Variants in KLF12 observed in about 807,000 individuals in gnomAD.
KLF12 encodes Krueppel-like factor 12.
Under a neutral mutation model 37.8 loss-of-function variants are expected in KLF12, and 9 were observed. The ratio of observed to expected loss-of-function variants is 0.24; its 90% CI spans 0.14 to 0.42. The LOEUF is 0.42. KLF12 is among the 10% of genes least tolerant of loss of function. The pLI is 1.00. For synonymous variants in KLF12, 208 were observed against 202.1 expected (o/e 1.03, Z -0.25); for missense variants, 411 against 516.0 (o/e 0.80, Z 1.97).
rs574680915 is a variant in KLF12, at chr13:73,721,711, C to T, written c.870-6186G>A. ...GGACTACAGGTGCATGCCACCATGC[C>T]TAGTTAATTTTTTTTTTTTTTGGTA... On this transcript the variant is annotated intron_variant, in intron 6 of 7. Coordinates refer to ENST00000377669, the MANE Select transcript of KLF12 (RefSeq NM_007249.5). Among the ~76,000 whole-genome samples the T allele has an allele frequency of 4.0e-5, 5 of 124,812 alleles. No individual in the cohort carries two copies. The East Asian group carries it at 1.3e-3, about 33-fold the overall frequency. 81.9% of individuals were successfully genotyped at this position (124,812 alleles called of 152,430 possible). A position where few individuals can be genotyped will look rare whatever the true frequency, so the allele number is the denominator to read the frequency against.
the KLF12 span, among the ~76,000 whole-genome samples, chr13:74,271,868 G>A: frequency 6.6e-6 from 1 of 152,124 alleles, no homozygotes; most frequent in Non-Finnish European, 1.5e-5. Flanking sequence ...TGGGTATGGT[G>A]ACCAGACTCT....
At chr13:74,203,539 A>C in the KLF12 span, among the ~76,000 whole-genome samples, 1 of 152,126 alleles carries the variant, frequency 6.6e-6, no homozygotes, top group African/African-American at 2.4e-5. Context: ...ATAAGGCAAA[A>C]AAAGGTAATG....
intron 3 of KLF12, among the ~76,000 whole-genome samples, chr13:73,874,802 G>A (rs1886627276): frequency 6.6e-6 from 1 of 152,100 alleles, no homozygotes; most frequent in African/African-American, 2.4e-5. Context: ...CACTTTCCTT[G>A]ATACTGAAAT....
chr13:74,149,724 G>C, the KLF12 span, among the ~76,000 whole-genome samples: 35 of 152,194 alleles, frequency 2.3e-4, no homozygotes, highest in African/African-American at 8.4e-4. Context: ...ACTTGTAATG[G>C]GCAAAGTCCT....
At chr13:73,732,007 C>A (rs137999026) in intron 6 of KLF12, among the ~76,000 whole-genome samples, 1 of 151,768 alleles carries the variant, frequency 6.6e-6, no homozygotes, top group Admixed American at 6.6e-5. Flanking sequence ...AAATACTTTG[C>A]GTAAGGAGGT....
chr13:74,218,960 G>T, the KLF12 span, among the ~76,000 whole-genome samples: 183 of 88,712 alleles, frequency 2.1e-3, 1 homozygote, highest in African/African-American at 8.7e-3. Flanking sequence ...ATAAAAATAA[G>T]AGTTTTTTTT....
At chr13:73,909,796 C>T (rs1888484984) in intron 3 of KLF12, among the ~76,000 whole-genome samples, 1 of 152,168 alleles carries the variant, frequency 6.6e-6, no homozygotes, top group Non-Finnish European at 1.5e-5. Context: ...TTCATTCAGT[C>T]CACACTTTTC....
intron 6 of KLF12, among the ~76,000 whole-genome samples, chr13:73,745,873 G>T (rs1459808925): frequency 6.6e-6 from 1 of 152,180 alleles, no homozygotes; most frequent in East Asian, 1.9e-4. Context: ...TGTGGAAAAA[G>T]TTAAATGACG....
chr13:74,182,994 T>C, the KLF12 span, among the ~76,000 whole-genome samples: 2 of 152,198 alleles, frequency 1.3e-5, no homozygotes, highest in African/African-American at 4.8e-5. Context: ...TAGTATTTCT[T>C]GGAAATCACT....
At chr13:73,923,497 C>T (rs1197175291) in intron 3 of KLF12, among the ~76,000 whole-genome samples, 1 of 152,202 alleles carries the variant, frequency 6.6e-6, no homozygotes, top group Admixed American at 6.5e-5. Context: ...CTCCAGGCTG[C>T]AGCACCCCCT....
the KLF12 span, among the ~76,000 whole-genome samples, chr13:74,179,774 G>A: frequency 6.6e-6 from 1 of 152,170 alleles, no homozygotes; most frequent in Non-Finnish European, 1.5e-5. Flanking sequence ...ATGAATGGAT[G>A]GAGATTTTAA....
the KLF12 span, among the ~76,000 whole-genome samples, chr13:74,270,203 A>G: frequency 2.0e-5 from 3 of 152,208 alleles, no homozygotes; most frequent in Middle Eastern, 0.01. Flanking sequence ...ATCACACCTG[A>G]TAGTGTATGC....
intron 6 of KLF12, among the ~76,000 whole-genome samples, chr13:73,738,429 G>A (rs1877692905): frequency 6.6e-6 from 1 of 151,866 alleles, no homozygotes; most frequent in African/African-American, 2.4e-5. Context: ...TTGGATTACA[G>A]GCATAAGCCA....
At chr13:73,770,944 A>G (rs1880228399) in intron 5 of KLF12, among the ~76,000 whole-genome samples, 2 of 152,324 alleles carry the variant, frequency 1.3e-5, no homozygotes, top group East Asian at 1.9e-4. Flanking sequence ...AATTTCTGAT[A>G]TACACCAACA....
chr13:74,072,919 T>C lies in KLF12; in HGVS notation c.-32+60820A>G, dbSNP rs567949278. 4.6e-5 allele frequency among the ~76,000 whole-genome samples: 7 copies of C among 152,272 alleles called. No individual in the cohort carries two copies. The South Asian group carries it at 8.3e-4, about 18-fold the overall frequency. ...CCCACCCAAATCTCATCTTGCACTA[T>C]AGTTCCCATGATCCCCACATGTCAT... On this transcript the variant is annotated intron_variant, in intron 1 of 7. Coordinates refer to ENST00000377669, the MANE Select transcript of KLF12 (RefSeq NM_007249.5).
the KLF12 span, among the ~76,000 whole-genome samples, chr13:74,234,264 A>G: frequency 3.0e-4 from 45 of 152,368 alleles, no homozygotes; most frequent in African/African-American, 8.7e-4. Flanking sequence ...GACACAGTAC[A>G]GCATGTTCAG....
At chr13:73,860,090 G>A (rs746273381) in intron 3 of KLF12, among the ~76,000 whole-genome samples, 11 of 152,088 alleles carry the variant, frequency 7.2e-5, no homozygotes, top group South Asian at 4.1e-4. Context: ...CCTGAGTTCC[G>A]GTCTGGGTTG....
chr13:74,003,703 A>C (rs979084673), intron 1 of KLF12, among the ~76,000 whole-genome samples: 3 of 152,208 alleles, frequency 2.0e-5, no homozygotes, highest in African/African-American at 7.2e-5. Context: ...TTATTATTCA[A>C]ATATGAATCA....
At chr13:73,871,036 T>C (rs527906980) in intron 3 of KLF12, among the ~76,000 whole-genome samples, 42 of 152,358 alleles carry the variant, frequency 2.8e-4, no homozygotes, top group African/African-American at 8.7e-4. Context: ...CACTGCTTTC[T>C]AATCATCTCC....
Sources: gnomAD v4.1 joint callset for allele counts (sites outside exome capture counted in the v4.1 genomes callset) on GRCh38, gnomAD v4.1.1 for gene constraint, MANE v1.5 for transcripts, NCBI Gene and HGNC (gene_info 2026-07-23, HGNC 2026-07-21) for gene names.